Variants in PTPRM observed in about 807,000 individuals in gnomAD.
PTPRM encodes receptor-type tyrosine-protein phosphatase mu.
PTPRM carries 47 observed loss-of-function variants against 186.7 expected under a neutral mutation model. The ratio of observed to expected loss-of-function variants is 0.25; its 90% confidence interval spans 0.20 to 0.32. The LOEUF is 0.32. Among genes scored for constraint, PTPRM ranks in the 10% least tolerant of loss-of-function variants. PTPRM has a pLI of 1.00. For synonymous variants in PTPRM, 668 were observed against 674.9 expected (o/e 0.99, Z 0.16); for missense variants, 1,494 against 1,865.0 (o/e 0.80, Z 3.66).
intron 1 of PTPRM, among the ~76,000 whole-genome samples, chr18:7,692,555 T>C (rs932310125): frequency 6.6e-6 from 1 of 152,226 alleles, no homozygotes; most frequent in Non-Finnish European, 1.5e-5. Flanking sequence ...AATGGTATTA[T>C]TAAGGGGCCA....
chr18:7,596,298 G>C (rs2037258074), intron 1 of PTPRM, among the ~76,000 whole-genome samples: 1 of 152,170 alleles, frequency 6.6e-6, no homozygotes, highest in Non-Finnish European at 1.5e-5. Flanking sequence ...TCCTGGGTGG[G>C]ACTGAGTGAG....
chr18:7,806,767 G>A (rs2044257745), intron 2 of PTPRM, among the ~76,000 whole-genome samples: 1 of 152,170 alleles, frequency 6.6e-6, no homozygotes. Context: ...TAATGTGGAG[G>A]TGAATTTATA....
chr18:7,853,756 T>C (rs528177452), intron 2 of PTPRM, among the ~76,000 whole-genome samples: 6 of 152,312 alleles, frequency 3.9e-5, no homozygotes, highest in African/African-American at 1.2e-4. Context: ...TAATATTCTA[T>C]ACCAAGCTGA....
At chr18:8,088,521 T>C (rs1197612789) in intron 10 of PTPRM, among the ~76,000 whole-genome samples, 2 of 152,080 alleles carry the variant, frequency 1.3e-5, no homozygotes, top group Non-Finnish European at 2.9e-5. Flanking sequence ...CCTCATACCA[T>C]CTCCCAACTT....
At chr18:7,829,034 C>T (rs1485491751) in intron 2 of PTPRM, among the ~76,000 whole-genome samples, 4 of 152,114 alleles carry the variant, frequency 2.6e-5, no homozygotes, top group African/African-American at 9.7e-5. Flanking sequence ...CAAAGATCTG[C>T]ATTTCCTGTA....
intron 14 of PTPRM, among the ~76,000 whole-genome samples, chr18:8,191,144 T>A (rs762665517): frequency 2.0e-5 from 3 of 152,170 alleles, no homozygotes; most frequent in Non-Finnish European, 4.4e-5. Flanking sequence ...TGAGAAAAGC[T>A]GCAGTCACAC....
At chr18:7,758,497 G>A (rs2041614394) in intron 1 of PTPRM, among the ~76,000 whole-genome samples, 2 of 152,186 alleles carry the variant, frequency 1.3e-5, no homozygotes. Flanking sequence ...ATATCTCAGT[G>A]TTTAAAGGAC....
chr18:8,357,636 T>C (rs1272465074), intron 23 of PTPRM, among the ~76,000 whole-genome samples: 2 of 152,224 alleles, frequency 1.3e-5, no homozygotes, highest in African/African-American at 4.8e-5. Flanking sequence ...CAAGTGTGAC[T>C]GTTACCTCTG....
intron 2 of PTPRM, among the ~76,000 whole-genome samples, chr18:7,830,726 C>T (rs2045718593): frequency 6.6e-6 from 1 of 152,184 alleles, no homozygotes; most frequent in East Asian, 1.9e-4. Flanking sequence ...TGCCAATCAT[C>T]CTGTCTAAAG....
At chr18:8,135,920 A>G (rs918291502) in intron 13 of PTPRM, among the ~76,000 whole-genome samples, 1 of 152,230 alleles carries the variant, frequency 6.6e-6, no homozygotes, top group African/African-American at 2.4e-5. Flanking sequence ...TGAATGACAA[A>G]TTTCAGACAG....
chr18:7,934,315 A>T (rs1283340564), intron 5 of PTPRM, among the ~76,000 whole-genome samples: 2 of 151,860 alleles, frequency 1.3e-5, no homozygotes, highest in African/African-American at 4.8e-5. Context: ...AGATTGATAT[A>T]TTTTTTTTCT....
intron 23 of PTPRM, among the ~76,000 whole-genome samples, chr18:8,351,095 C>T (rs117834454): frequency 0.013 from 1,988 of 152,286 alleles, 24 homozygotes; most frequent in Middle Eastern, 0.034. Context: ...ACAGCACCTC[C>T]TTGCCTTCCT....
At position 7,906,506 on chromosome 18, in the gene PTPRM, T is replaced by C; in HGVS notation, c.470T>C (p.Val157Ala). Residue 157 changes from valine (V) to alanine (A), a missense_variant and splice_region_variant, in exon 4 of 33, where the codon GTG becomes GCG. Transcript: ENST00000580170. Reference protein sequence around the residue: ...ISTFWPNFYQVIFEVITSGHQ... With the variant: ...ISTFWPNFYQAIFEVITSGHQ... ...TGTAAATCTTTCTTAATTTTCCAGG[T>C]GATTTTTGAAGTGATAACTTCTGGA... 1.2e-6 allele frequency: 2 copies of C among 1,609,576 alleles called. No homozygotes were observed. Among genetic ancestry groups the C allele is most frequent in the African/African-American group, 2.7e-5 (2 of 74,964 alleles).
At chr18:7,979,493 T>C (rs2082430135) in intron 7 of PTPRM, among the ~76,000 whole-genome samples, 1 of 152,198 alleles carries the variant, frequency 6.6e-6, no homozygotes, top group Admixed American at 6.5e-5. Flanking sequence ...TTGAGACAAA[T>C]GGTTAACGTG....
chr18:7,882,452 G>A (rs866080974), intron 2 of PTPRM, among the ~76,000 whole-genome samples: 2 of 152,110 alleles, frequency 1.3e-5, no homozygotes, highest in Non-Finnish European at 2.9e-5. Context: ...CTAGAGTCAG[G>A]AGATATGCCT....
At chr18:7,909,267 G>C (rs1437682352) in intron 4 of PTPRM, among the ~76,000 whole-genome samples, 1 of 152,206 alleles carries the variant, frequency 6.6e-6, no homozygotes, top group African/African-American at 2.4e-5. Flanking sequence ...ATAGGAGAGA[G>C]CTTTCTGTAG....
At chr18:7,743,689 G>A (rs1224034275) in intron 1 of PTPRM, among the ~76,000 whole-genome samples, 1 of 152,050 alleles carries the variant, frequency 6.6e-6, no homozygotes, top group African/African-American at 2.4e-5. Context: ...TGAATATTCG[G>A]GACATAAAAC....
In PTPRM at chr18:8,148,281, A is replaced by G. The variant is rs1417645413; in HGVS notation, c.2300+4502A>G. Among the ~76,000 whole-genome samples the G allele has an allele frequency of 2.0e-5, 3 of 149,006 alleles. No homozygotes were observed. In the East Asian group the frequency reaches 5.8e-4, roughly 29 times the overall value. On this transcript the variant is annotated intron_variant, in intron 14 of 32. Transcript: ENST00000580170. ...CAGCTGTGAATCCATCTGGTCCTGG[A>G]CCTTTTCTCGTTGGTAGGCTATTAA...
At chr18:8,250,888 T>C (rs2094522372) in intron 17 of PTPRM, among the ~76,000 whole-genome samples, 1 of 152,188 alleles carries the variant, frequency 6.6e-6, no homozygotes, top group Non-Finnish European at 1.5e-5. Flanking sequence ...TAATAATTCT[T>C]TTTTAAGTTA....
Sources: allele counts gnomAD v4.1 joint callset (sites outside exome capture counted in the v4.1 genomes callset), GRCh38; gene constraint gnomAD v4.1.1; transcripts MANE v1.5; gene names NCBI Gene and HGNC (gene_info 2026-07-23, HGNC 2026-07-21).